CENPP: variants seen among roughly 807,000 people sequenced by gnomAD.
CENPP encodes centromere protein P.
A neutral mutation model predicts 35.6 loss-of-function variants in CENPP; 24 were observed. That is an observed-to-expected ratio of 0.67 (90% CI 0.49 to 0.95). The LOEUF is 0.95. CENPP is among the 40% of genes least tolerant of loss of function. The probability of loss-of-function intolerance (pLI) is 0.00; values close to 1 mark genes in which losing one functional copy is unlikely to be tolerated. For synonymous variants in CENPP, 120 were observed against 125.5 expected, an observed-to-expected ratio of 0.96 and a Z score of 0.29; for missense variants, 332 against 345.3, an observed-to-expected ratio of 0.96 and a Z score of 0.31.
intron 5 of CENPP, among the ~76,000 whole-genome samples, chr9:92,485,528 C>T (rs73520580): frequency 0.015 from 2,304 of 152,232 alleles, 60 homozygotes; most frequent in African/African-American, 0.051. Context: ...TGCTAACCAT[C>T]GTGAAAATAA....
rs564468010 is a variant in CENPP at position 92,608,937 on chromosome 9, C to T, written c.565-2377C>T. Among the ~76,000 whole-genome samples the T allele has an allele frequency of 1.8e-4, 27 of 152,338 alleles. No homozygotes were observed. In the East Asian group the frequency reaches 4.4e-3, roughly 25 times the overall value. Reference sequence around the variant, plus strand: ...TCCCTTGTGCTTGGAGGCTGAACCTCGGGCCCCACGTTGGAGCTGGCCCAG... The same window carrying T: ...TCCCTTGTGCTTGGAGGCTGAACCTTGGGCCCCACGTTGGAGCTGGCCCAG... On this transcript the variant is annotated intron_variant, in intron 5 of 7. Transcript: ENST00000375587.
At chr9:92,590,297 C>T (rs1850636164) in intron 5 of CENPP, among the ~76,000 whole-genome samples, 1 of 152,164 alleles carries the variant, frequency 6.6e-6, no homozygotes, top group South Asian at 2.1e-4. Context: ...TTATAAGACA[C>T]TATAAAACAC....
intron 5 of CENPP, among the ~76,000 whole-genome samples, chr9:92,429,122 G>A (rs1040840426): frequency 2.6e-5 from 4 of 152,182 alleles, no homozygotes; most frequent in Non-Finnish European, 5.9e-5. Context: ...AATAGTGGGT[G>A]CTCAATAAAT....
At chr9:92,356,830 A>G (rs984047662) in intron 4 of CENPP, among the ~76,000 whole-genome samples, 2 of 152,222 alleles carry the variant, frequency 1.3e-5, no homozygotes. Flanking sequence ...TCCATTTTAA[A>G]ATGAAATCTT....
chr9:92,570,383 T>C (rs567168193), intron 5 of CENPP, among the ~76,000 whole-genome samples: 2 of 152,186 alleles, frequency 1.3e-5, no homozygotes, highest in Non-Finnish European at 2.9e-5. Flanking sequence ...ATTACATTTA[T>C]TGATTTGCAT....
At chr9:92,371,555 A>G (rs2130852950) in intron 4 of CENPP, among the ~76,000 whole-genome samples, 1 of 152,268 alleles carries the variant, frequency 6.6e-6, no homozygotes, top group East Asian at 1.9e-4. Context: ...AGAACGTTCT[A>G]CGTTCTGATG....
chr9:92,502,653 C>A, intron 5 of CENPP: 1 of 1,560,924 alleles, frequency 6.4e-7, no homozygotes, highest in Non-Finnish European at 8.8e-7. Context: ...GGTATAATTC[C>A]TATAATTAAG....
intron 5 of CENPP, among the ~76,000 whole-genome samples, chr9:92,513,254 A>T (rs1847470250): frequency 6.6e-6 from 1 of 152,296 alleles, no homozygotes; most frequent in Admixed American, 6.5e-5. Flanking sequence ...GAAGGTCTAG[A>T]TGACCACATT....
At chr9:92,410,892 C>A (rs909263829) in intron 5 of CENPP, among the ~76,000 whole-genome samples, 26 of 152,208 alleles carry the variant, frequency 1.7e-4, no homozygotes. Context: ...GAAAGAGACA[C>A]TTAAACTAAA....
At chr9:92,390,938 G>T (rs757543980) in intron 5 of CENPP, among the ~76,000 whole-genome samples, 1 of 152,178 alleles carries the variant, frequency 6.6e-6, no homozygotes, top group South Asian at 2.1e-4. Context: ...GATGTTAGAC[G>T]TCACTTCAGC....
chr9:92,415,456 C>T (rs1422687189), intron 5 of CENPP: 22 of 1,605,612 alleles, frequency 1.4e-5, no homozygotes, highest in Non-Finnish European at 1.9e-5. Flanking sequence ...AATAGAAGGA[C>T]ACATCACTGT....
intron 5 of CENPP, among the ~76,000 whole-genome samples, chr9:92,446,556 G>A (rs561408275): frequency 6.6e-6 from 1 of 152,318 alleles, no homozygotes; most frequent in South Asian, 2.1e-4. Flanking sequence ...TGGAGTGGAA[G>A]AAGATATAGC....
chr9:92,494,494 T>C (rs1000872084), intron 5 of CENPP, among the ~76,000 whole-genome samples: 5 of 152,204 alleles, frequency 3.3e-5, no homozygotes, highest in Admixed American at 1.3e-4. Flanking sequence ...GTTTTCTTCC[T>C]AACAACCTGC....
chr9:92,484,622 A>G (rs753251631), intron 5 of CENPP, among the ~76,000 whole-genome samples: 2 of 152,148 alleles, frequency 1.3e-5, no homozygotes, highest in Non-Finnish European at 2.9e-5. Context: ...TAAGATTTCA[A>G]CTTCTCTTTA....
At chr9:92,560,011 A>T (rs918222363) in intron 5 of CENPP, among the ~76,000 whole-genome samples, 4 of 152,170 alleles carry the variant, frequency 2.6e-5, no homozygotes, top group Admixed American at 2.6e-4. Context: ...AAGGTGGCAC[A>T]TAACTATAGT....
At chr9:92,365,044 G>A (rs887980604) in intron 4 of CENPP, among the ~76,000 whole-genome samples, 6 of 152,298 alleles carry the variant, frequency 3.9e-5, no homozygotes, top group African/African-American at 1.4e-4. Flanking sequence ...TGCCTGTTCT[G>A]CAGCCAAGCA....
chr9:92,584,008 A>T (rs1417660273), intron 5 of CENPP, among the ~76,000 whole-genome samples: 1 of 152,198 alleles, frequency 6.6e-6, no homozygotes, highest in Admixed American at 6.5e-5. Context: ...AGCCCCATGC[A>T]AGCATTGTGC....
At chr9:92,380,384 G>A (rs555652173) in intron 5 of CENPP, among the ~76,000 whole-genome samples, 2 of 152,074 alleles carry the variant, frequency 1.3e-5, no homozygotes, top group Non-Finnish European at 2.9e-5. Context: ...TGGTTGCATC[G>A]TAATACCTCA....
chr9:92,516,691 A>T (rs954892340), intron 5 of CENPP: 14 of 152,198 alleles, frequency 9.2e-5, no homozygotes, highest in Non-Finnish European at 1.9e-4. Flanking sequence ...TTCTGAAAAA[A>T]TTTCTGAGAA....
Sources: allele counts gnomAD v4.1 joint callset (sites outside exome capture counted in the v4.1 genomes callset), GRCh38; gene constraint gnomAD v4.1.1; transcripts MANE v1.5; gene names NCBI Gene and HGNC (gene_info 2026-07-23, HGNC 2026-07-21).